The following B3GALT1 variants were observed in gnomAD, a reference collection of about 807,000 sequenced individuals.
B3GALT1 encodes the protein beta-1,3-galactosyltransferase 1.
B3GALT1 carries 10 observed loss-of-function variants against 23.2 expected under a neutral mutation model. The ratio of observed to expected loss-of-function variants is 0.43; its 90% confidence interval spans 0.27 to 0.73. The LOEUF (loss-of-function observed/expected upper bound fraction) is 0.73. Ranked by LOEUF, B3GALT1 falls within the 30% of genes least tolerant of loss-of-function variation. The pLI is 0.21. For synonymous variants in B3GALT1, 156 were observed against 141.5 expected (o/e 1.10, Z -0.73); for missense variants, 299 against 405.4 (o/e 0.74, Z 2.25).
At chr2:167,505,846 G>A (rs910388114) in intron 2 of B3GALT1, among the ~76,000 whole-genome samples, 1 of 151,958 alleles carries the variant, frequency 6.6e-6, no homozygotes, top group Non-Finnish European at 1.5e-5. Flanking sequence ...GATCACTTGA[G>A]GCCAGGAGTT....
intron 3 of B3GALT1, among the ~76,000 whole-genome samples, chr2:167,810,442 A>C (rs1398516371): frequency 6.6e-6 from 1 of 150,828 alleles, no homozygotes; most frequent in Non-Finnish European, 1.5e-5. Context: ...TTGTTTTTTC[A>C]TTGAAAGAGA....
rs115312501 is a variant in B3GALT1 at position 167,568,633 on chromosome 2, T to G, written c.-409-78276T>G. On this transcript the variant is annotated intron_variant, in intron 2 of 4. Transcript: ENST00000392690. The stretch of plus-strand genomic sequence containing the variant: ...AATATATATTTTAGATAACAATATT[T>G]TATCAGATGCATCTTCTGCAAATAT... Among the ~76,000 whole-genome samples, 153 of 152,204 alleles carry G rather than the reference T, an allele frequency of 1.0e-3. 1 individual carries two copies. Among genetic ancestry groups the G allele is most frequent in the African/African-American group, 3.4e-3 (143 of 41,574 alleles).
intron 3 of B3GALT1, among the ~76,000 whole-genome samples, chr2:167,756,429 G>A (rs772399896): frequency 3.9e-5 from 6 of 152,106 alleles, no homozygotes; most frequent in African/African-American, 7.2e-5. Flanking sequence ...CTTGTTGATC[G>A]CATATAAATA....
chr2:167,412,632 A>C (rs1400352413), intron 1 of B3GALT1, among the ~76,000 whole-genome samples: 8 of 152,180 alleles, frequency 5.3e-5, no homozygotes, highest in Admixed American at 3.9e-4. Context: ...TTCATTGATA[A>C]TGAGAGTATA....
At chr2:167,640,159 A>C (rs929719130) in intron 2 of B3GALT1, among the ~76,000 whole-genome samples, 1 of 152,156 alleles carries the variant, frequency 6.6e-6, no homozygotes, top group African/African-American at 2.4e-5. Context: ...TTTACTGACT[A>C]TAGAAGATAC....
At chr2:167,529,505 G>A (rs1293966003) in intron 2 of B3GALT1, among the ~76,000 whole-genome samples, 5 of 150,892 alleles carry the variant, frequency 3.3e-5, no homozygotes, top group African/African-American at 1.2e-4. Flanking sequence ...ACTGAAAGGC[G>A]GAGGTGCTAG....
rs1690383463 is a variant in B3GALT1 at position 167,873,098 on chromosome 2, T to G, written c.*3078T>G. The G allele has an allele frequency of 6.6e-6, 1 of 152,212 alleles. No individual in the cohort carries two copies. The highest frequency in any genetic ancestry group is 2.4e-5 in the African/African-American group (1 of 41,456). The allele number at this position is 152,212 out of a possible 1,614,324, so 9.4% of individuals were successfully genotyped here. A position where few individuals can be genotyped will look rare whatever the true frequency, so the allele number is the denominator to read the frequency against. On this transcript the variant is annotated 3_prime_UTR_variant, in exon 5 of 5. Transcript: ENST00000392690. ...TTACTGTTGAGCCATTCTTATCATT[T>G]CCCTGACATAAAATATGCAATGTTT...
chr2:167,329,989 T>C (rs1309313514), intron 1 of B3GALT1, among the ~76,000 whole-genome samples: 1 of 152,214 alleles, frequency 6.6e-6, no homozygotes, highest in African/African-American at 2.4e-5. Flanking sequence ...ATAATGTGCA[T>C]GGAGAAGTCC....
intron 1 of B3GALT1, among the ~76,000 whole-genome samples, chr2:167,437,993 C>T (rs1309585138): frequency 6.6e-6 from 1 of 152,192 alleles, no homozygotes; most frequent in Non-Finnish European, 1.5e-5. Flanking sequence ...TTTCTTCCCT[C>T]CTAGTGAGGC....
chr2:167,488,164 T>G (rs901892063), intron 1 of B3GALT1, among the ~76,000 whole-genome samples: 2 of 152,240 alleles, frequency 1.3e-5, no homozygotes, highest in African/African-American at 4.8e-5. Flanking sequence ...TGTTTTGCTT[T>G]GGTCTAAGCA....
At chr2:167,789,815 G>C (rs1241020546) in intron 3 of B3GALT1, among the ~76,000 whole-genome samples, 1 of 151,948 alleles carries the variant, frequency 6.6e-6, no homozygotes, top group African/African-American at 2.4e-5. Context: ...CCATGGATCA[G>C]CAGTCACTTA....
intron 1 of B3GALT1, among the ~76,000 whole-genome samples, chr2:167,440,316 T>C (rs1045094257): frequency 1.5e-5 from 2 of 134,002 alleles, no homozygotes; most frequent in African/African-American, 5.9e-5. Context: ...GCACACTCCA[T>C]CCTGGGTAAC....
At position 167,428,720 on chromosome 2, in the gene B3GALT1, T is replaced by C. The variant is rs185539876; in HGVS notation, c.-510-61457T>C. ...ATCCAGACAACAATTCTTTTGTATATTAAACATAAGCAAAGGTGATGTTTA... is the reference window on the plus strand; with the variant it reads ...ATCCAGACAACAATTCTTTTGTATACTAAACATAAGCAAAGGTGATGTTTA... On this transcript the variant is annotated intron_variant, in intron 1 of 4. Coordinates refer to ENST00000392690, the MANE Select transcript of B3GALT1 (RefSeq NM_020981.4). Among the ~76,000 whole-genome samples the C allele has an allele frequency of 1.6e-3, 238 of 152,178 alleles. 1 individual carries two copies. Among genetic ancestry groups the C allele is most frequent in the African/African-American group, 5.6e-3 (233 of 41,526 alleles).
At chr2:167,674,660 G>A (rs1444253674) in intron 3 of B3GALT1, among the ~76,000 whole-genome samples, 1 of 152,086 alleles carries the variant, frequency 6.6e-6, no homozygotes, top group East Asian at 1.9e-4. Context: ...ATGATACTCT[G>A]GCAAATGCAT....
At chr2:167,716,169 A>T in intron 3 of B3GALT1, 1 of 1,220,282 alleles carries the variant, frequency 8.2e-7, no homozygotes, top group Non-Finnish European at 1.1e-6. Context: ...CGCGGCAACC[A>T]ACCGGAGCGG....
intron 4 of B3GALT1, among the ~76,000 whole-genome samples, chr2:167,841,085 TTAG>T (rs1350225917): frequency 1.3e-5 from 2 of 149,076 alleles, no homozygotes; most frequent in African/African-American, 5.0e-5. Flanking sequence ...AGATGATGAG[TTAG>T]TAGGTGCAGG....
chr2:167,402,703 A>G (rs1322387827), intron 1 of B3GALT1, among the ~76,000 whole-genome samples: 1 of 152,138 alleles, frequency 6.6e-6, no homozygotes, highest in Non-Finnish European at 1.5e-5. Flanking sequence ...TTAAATCTCA[A>G]GTCATCTGGC....
chr2:167,459,394 A>T (rs1699222060), intron 1 of B3GALT1, among the ~76,000 whole-genome samples: 2 of 152,210 alleles, frequency 1.3e-5, no homozygotes, highest in South Asian at 2.1e-4. Flanking sequence ...TCTGATATAA[A>T]GATAACTTTG....
chr2:167,751,882 C>T (rs1687744784), intron 3 of B3GALT1, among the ~76,000 whole-genome samples: 1 of 152,128 alleles, frequency 6.6e-6, no homozygotes, highest in Non-Finnish European at 1.5e-5. Flanking sequence ...ATCTTCAAGA[C>T]CTAGGAACCA....
Sources: gnomAD v4.1 joint callset for allele counts (sites outside exome capture counted in the v4.1 genomes callset) on GRCh38, gnomAD v4.1.1 for gene constraint, MANE v1.5 for transcripts, NCBI Gene and HGNC (gene_info 2026-07-23, HGNC 2026-07-21) for gene names.